VRK1: variants seen among roughly 807,000 people sequenced by gnomAD.
VRK1 encodes serine/threonine-protein kinase VRK1.
A neutral mutation model predicts 57.1 loss-of-function variants in VRK1; 33 were observed. The ratio of observed to expected loss-of-function variants is 0.58; its 90% CI spans 0.44 to 0.77. VRK1 has a LOEUF of 0.77. VRK1 is among the 30% of genes least tolerant of loss of function. The pLI is 0.00. For missense variants in VRK1, 413 were observed against 477.3 expected, an observed-to-expected ratio of 0.87 and a Z score of 1.25; for synonymous variants, 137 against 147.8, an observed-to-expected ratio of 0.93 and a Z score of 0.53.
At chr14:96,822,839 G>C (rs1886654356) in intron 1 of VRK1, among the ~76,000 whole-genome samples, 1 of 152,164 alleles carries the variant, frequency 6.6e-6, no homozygotes, top group Non-Finnish European at 1.5e-5. Context: ...TAGCCTTCAA[G>C]GCCCTACTTG....
chr14:96,865,006 TATC>T (rs760943432), intron 11 of VRK1, among the ~76,000 whole-genome samples: 78 of 151,946 alleles, frequency 5.1e-4, no homozygotes, highest in Non-Finnish European at 1.0e-3. Context: ...GTGTTGCACA[TATC>T]ATCTTCCAGT....
chr14:96,874,951 T>A (rs879582832), intron 11 of VRK1, among the ~76,000 whole-genome samples: 2 of 152,202 alleles, frequency 1.3e-5, no homozygotes, highest in Non-Finnish European at 2.9e-5. Flanking sequence ...TTTAACTTAT[T>A]GTTAATTGTT....
intron 1 of VRK1, among the ~76,000 whole-genome samples, chr14:96,817,079 CAA>C: frequency 1.3e-5 from 2 of 152,278 alleles, no homozygotes; most frequent in Admixed American, 1.3e-4. Flanking sequence ...TAGAAACAAA[CAA>C]ATTGGCCATG....
At chr14:96,868,599 A>G (rs2139831280) in intron 11 of VRK1, among the ~76,000 whole-genome samples, 1 of 152,238 alleles carries the variant, frequency 6.6e-6, no homozygotes, top group African/African-American at 2.4e-5. Context: ...TGATCTCTGT[A>G]TATATAAGTA....
intron 1 of VRK1, among the ~76,000 whole-genome samples, chr14:96,825,423 A>C (rs1886763075): frequency 1.3e-5 from 2 of 152,232 alleles, no homozygotes; most frequent in Non-Finnish European, 1.5e-5. Context: ...TTAAACATAA[A>C]GTTAGATATC....
At chr14:96,857,256 A>G (rs1397620290) in intron 10 of VRK1, among the ~76,000 whole-genome samples, 2 of 151,688 alleles carry the variant, frequency 1.3e-5, no homozygotes, top group Non-Finnish European at 1.5e-5. Flanking sequence ...AGGGAATAGA[A>G]TTAGGGGGAT....
rs200068271 is a variant in VRK1 at position 96,881,201 on chromosome 14, A to G, written c.1184A>G (p.Gln395Arg). The change falls in exon 13 of 13, where the codon CAG becomes CGG. Residue 395 changes from glutamine to arginine, a missense_variant. Coordinates refer to ENST00000216639, the MANE Select transcript of VRK1 (RefSeq NM_003384.3). ...GGTTCAAGAACCAGAAAGAGAGTCC[A>G]GAAGTAATTCAGATGCTGTGAACCA... ...QTRSRTRKRV[Q>R]K 2 of 1,605,542 alleles carry G rather than the reference A, an allele frequency of 1.2e-6. No homozygotes were observed. Among genetic ancestry groups the G allele is most frequent in the East Asian group, 2.2e-5 (1 of 44,614 alleles).
At chr14:96,823,681 A>T (rs1939050431) in intron 1 of VRK1, among the ~76,000 whole-genome samples, 1 of 152,242 alleles carries the variant, frequency 6.6e-6, no homozygotes, top group Non-Finnish European at 1.5e-5. Flanking sequence ...TGTACACAGT[A>T]GCGTTAAGTG....
intron 3 of VRK1, among the ~76,000 whole-genome samples, chr14:96,841,517 G>A (rs182306861): frequency 3.9e-5 from 6 of 152,176 alleles, no homozygotes; most frequent in African/African-American, 1.4e-4. Flanking sequence ...TAATATTTTA[G>A]TAACTTTTTG....
Position 96,867,384 on chromosome 14 carries a change from A to G in VRK1, c.1068+6649A>G, listed in dbSNP as rs760357072. Among the ~76,000 whole-genome samples, 4 of 150,504 alleles carry G rather than the reference A, an allele frequency of 2.7e-5. 1 individual carries two copies. Among genetic ancestry groups the G allele is most frequent in the East Asian group, 3.9e-4 (2 of 5,072 alleles). ...AATTTTTGTTTTTTACTAGATTTCT[A>G]TTTTTTCCACTCTTGCTTTGAAGCT... On this transcript the variant is annotated intron_variant, in intron 11 of 12. Transcript: ENST00000216639.
chr14:96,817,731 A>G (rs973718476), intron 1 of VRK1, among the ~76,000 whole-genome samples: 2 of 152,244 alleles, frequency 1.3e-5, no homozygotes, highest in African/African-American at 4.8e-5. Context: ...CCTAAATAGA[A>G]TGAATGAGAA....
chr14:96,831,702 AT>A, intron 1 of VRK1, among the ~76,000 whole-genome samples: 1 of 152,300 alleles, frequency 6.6e-6, no homozygotes, highest in Middle Eastern at 3.4e-3. Context: ...TCCAGTCACT[AT>A]TTTGAGATAT....
intron 1 of VRK1, among the ~76,000 whole-genome samples, chr14:96,809,223 A>T (rs1486979783): frequency 6.6e-6 from 1 of 152,156 alleles, no homozygotes; most frequent in Non-Finnish European, 1.5e-5. Context: ...AAGTCATATA[A>T]TCTCACCTCC....
At chr14:96,799,370 A>G (rs1023166814) in intron 1 of VRK1, among the ~76,000 whole-genome samples, 15 of 152,182 alleles carry the variant, frequency 9.9e-5, no homozygotes, top group Admixed American at 8.5e-4. Flanking sequence ...AATAATAAAT[A>G]TATAAGTGAA....
chr14:96,843,582 A>AT (rs541708851), intron 3 of VRK1, among the ~76,000 whole-genome samples: 13 of 151,804 alleles, frequency 8.6e-5, no homozygotes, highest in African/African-American at 2.4e-4. Context: ...TCACATTTTA[A>AT]TTTTTTTTCT....
intron 1 of VRK1, among the ~76,000 whole-genome samples, chr14:96,816,022 G>T (rs1886378444): frequency 6.6e-6 from 1 of 152,120 alleles, no homozygotes; most frequent in African/African-American, 2.4e-5. Flanking sequence ...CTGATTGTAG[G>T]CTTGAGACAG....
intron 5 of VRK1, among the ~76,000 whole-genome samples, chr14:96,848,827 T>TA (rs1431008270): frequency 6.6e-6 from 1 of 152,124 alleles, no homozygotes; most frequent in Admixed American, 6.5e-5. Context: ...GCTACAAGAG[T>TA]ATATGTAAAA....
intron 3 of VRK1, 126 bp downstream of exon 3, chr14:96,837,943 AT>A (rs1887286218): frequency 3.8e-6 from 2 of 523,608 alleles, no homozygotes; most frequent in Admixed American, 4.1e-5. Flanking sequence ...AACTTAAAAA[AT>A]ATTTAATAAG....
chr14:96,804,998 G>A (rs1262228561), intron 1 of VRK1, among the ~76,000 whole-genome samples: 4 of 152,166 alleles, frequency 2.6e-5, no homozygotes, highest in African/African-American at 9.7e-5. Context: ...GTTGATGTGG[G>A]TGACATTTCT....
Sources: allele counts gnomAD v4.1 joint callset (sites outside exome capture counted in the v4.1 genomes callset), GRCh38; gene constraint gnomAD v4.1.1; transcripts MANE v1.5; gene names NCBI Gene and HGNC (gene_info 2026-07-23, HGNC 2026-07-21).